Variants in EVL observed in about 807,000 individuals in gnomAD.
The protein encoded by EVL is Enah/Vasp-like, also known as ena/VASP-like protein.
Under a neutral mutation model 59.6 loss-of-function variants are expected in EVL, and 21 were observed. The ratio of observed to expected loss-of-function variants is 0.35; its 90% CI spans 0.25 to 0.51. The LOEUF (loss-of-function observed/expected upper bound fraction) is 0.51. Ranked by LOEUF, EVL falls within the 20% of genes least tolerant of loss-of-function variation. The pLI is 0.97. For missense variants in EVL, 462 were observed against 546.6 expected, an observed-to-expected ratio of 0.85 and a Z score of 1.54; for synonymous variants, 198 against 203.5, an observed-to-expected ratio of 0.97 and a Z score of 0.23.
chr14:100,124,827 G>C (rs967232015), intron 4 of EVL, among the ~76,000 whole-genome samples: 2 of 152,192 alleles, frequency 1.3e-5, no homozygotes, highest in African/African-American at 4.8e-5. Context: ...GCTGTGTGGG[G>C]TCACTGGCCG....
chr14:100,079,257 C>G (rs1802470920), intron 1 of EVL, among the ~76,000 whole-genome samples: 1 of 152,218 alleles, frequency 6.6e-6, no homozygotes, highest in African/African-American at 2.4e-5. Context: ...GTGACAGATG[C>G]TTTTGCTTGG....
At chr14:99,978,385 G>C (rs1398375738) in intron 1 of EVL, among the ~76,000 whole-genome samples, 2 of 151,040 alleles carry the variant, frequency 1.3e-5, no homozygotes, top group East Asian at 1.9e-4. Context: ...CTGGGCGACA[G>C]AGCGAGACTC....
chr14:99,985,633 G>A (rs1345283462), intron 1 of EVL, among the ~76,000 whole-genome samples: 1 of 152,096 alleles, frequency 6.6e-6, no homozygotes, highest in Non-Finnish European at 1.5e-5. Context: ...TGGGTGTGGT[G>A]GTGCATGCCT....
At chr14:100,117,444 G>T (rs770559304) in intron 3 of EVL, among the ~76,000 whole-genome samples, 1 of 152,200 alleles carries the variant, frequency 6.6e-6, no homozygotes, top group Non-Finnish European at 1.5e-5. Context: ...TCTGTGCCCC[G>T]CTTGACCCTT....
Position 100,088,286 on chromosome 14 carries a change from A to G in EVL, c.180+3431A>G, listed in dbSNP as rs181256475. Among the ~76,000 whole-genome samples the G allele has an allele frequency of 2.0e-5, 3 of 152,358 alleles. No homozygotes were observed. The East Asian group carries it at 5.8e-4, about 29-fold the overall frequency. ...CAGGCATATATGGGGTCAAGAAGAT[A>G]GTTCTCCACCATCAAGCATCTTTCT... On this transcript the variant is annotated intron_variant, in intron 2 of 13. Coordinates refer to ENST00000392920, the MANE Select transcript of EVL (RefSeq NM_016337.3).
intron 1 of EVL, among the ~76,000 whole-genome samples, chr14:99,975,676 A>G (rs1215732197): frequency 1.3e-5 from 2 of 152,146 alleles, no homozygotes; most frequent in Non-Finnish European, 2.9e-5. Context: ...TCACGCTTCT[A>G]TGAGAATCTA....
chr14:99,988,038 C>T (rs1004225052), intron 1 of EVL, among the ~76,000 whole-genome samples: 3 of 151,378 alleles, frequency 2.0e-5, no homozygotes, highest in African/African-American at 7.3e-5. Context: ...CCTCAGCCTC[C>T]CAAGTTGCTG....
chr14:100,122,288 G>A (rs1444864198), intron 3 of EVL, among the ~76,000 whole-genome samples: 1 of 152,216 alleles, frequency 6.6e-6, no homozygotes, highest in Admixed American at 6.5e-5. Flanking sequence ...GGCATTTGCA[G>A]TTGGTTTGCA....
chr14:100,118,519 C>G (rs1887493273), intron 3 of EVL, among the ~76,000 whole-genome samples: 1 of 152,196 alleles, frequency 6.6e-6, no homozygotes, highest in Non-Finnish European at 1.5e-5. Context: ...AGAATAGCAG[C>G]AAAGGGGAGT....
exon 1 of EVL, chr14:99,971,988 C>CCCGCCGCCG (rs563451637): frequency 3.4e-4 from 51 of 148,162 alleles, no homozygotes; most frequent in East Asian, 1.2e-3. Flanking sequence ...CGTCCCGCGC[C>CCCGCCGCCG]CCGCCGCCGC....
At position 100,144,127 on chromosome 14, in the gene EVL, CG is replaced by C. The variant is rs1889379902; in HGVS notation, c.*390del. On this transcript the variant is annotated 3_prime_UTR_variant, in exon 14 of 14. Coordinates refer to ENST00000392920, the MANE Select transcript of EVL (RefSeq NM_016337.3). Reference sequence around the variant, plus strand: ...GGCCCAGCGTGGCGCCACCACACACCGCAGAGCTGTCCAGGCACAGCTCCGT... The same window carrying C: ...GGCCCAGCGTGGCGCCACCACACACCCAGAGCTGTCCAGGCACAGCTCCGT... 1 of 292,746 alleles carries C rather than the reference CG, an allele frequency of 3.4e-6. No homozygotes were observed. The highest frequency in any genetic ancestry group is 4.8e-5 in the Admixed American group (1 of 20,764). The allele number at this position is 292,746 out of a possible 1,614,324, so 18.1% of individuals were successfully genotyped here.
chr14:100,080,602 G>A lies in EVL; in HGVS notation c.12-4085G>A, dbSNP rs1051538206. ...CATGACACACGGAGGGAAATTACAGGTGCAGATTATATGGGCCCCACAAAT... is the reference window on the plus strand; with the variant it reads ...CATGACACACGGAGGGAAATTACAGATGCAGATTATATGGGCCCCACAAAT... On this transcript the variant is annotated intron_variant, in intron 1 of 13. Coordinates refer to ENST00000392920, the MANE Select transcript of EVL (RefSeq NM_016337.3). Among the ~76,000 whole-genome samples the A allele has an allele frequency of 2.6e-5, 4 of 152,318 alleles. No individual in the cohort carries two copies. In the South Asian group the frequency reaches 8.3e-4, roughly 32 times the overall value.
chr14:99,983,385 G>A (rs1371235063), intron 1 of EVL, among the ~76,000 whole-genome samples: 1 of 152,212 alleles, frequency 6.6e-6, no homozygotes, highest in Non-Finnish European at 1.5e-5. Flanking sequence ...AGTCATGACA[G>A]AAAGGGAAAC....
At chr14:100,104,641 T>C (rs1047220988) in intron 3 of EVL, among the ~76,000 whole-genome samples, 1 of 152,176 alleles carries the variant, frequency 6.6e-6, no homozygotes. Flanking sequence ...CCCGTTATGA[T>C]GGGGATGAGG....
At chr14:99,991,960 C>CTGTGTGTGTGTGTGTGTGTGTGTGTG (rs58443751) in intron 1 of EVL, among the ~76,000 whole-genome samples, 6 of 144,234 alleles carry the variant, frequency 4.2e-5, no homozygotes, top group African/African-American at 1.6e-4. Context: ...AGGGTCAACT[C>CTGTGTGTGTGTGTGTGTGTGTGTGTG]TGTGTGTGTG....
chr14:100,007,860 T>C (rs1413737545), intron 1 of EVL, among the ~76,000 whole-genome samples: 2 of 152,184 alleles, frequency 1.3e-5, no homozygotes, highest in Non-Finnish European at 2.9e-5. Flanking sequence ...TTCCTGGTTC[T>C]GCCCTCCCAC....
intron 1 of EVL, among the ~76,000 whole-genome samples, chr14:100,043,772 C>G (rs149236741): frequency 3.3e-5 from 5 of 152,030 alleles, no homozygotes; most frequent in Non-Finnish European, 7.4e-5. Context: ...GCCACCATGC[C>G]TGGCTAATTT....
rs1379774654 is a variant in EVL at position 100,047,114 on chromosome 14, C to CTT, written c.6-37572_6-37571insTT. Among the ~76,000 whole-genome samples, 72 of 95,102 alleles carry CTT rather than the reference C, an allele frequency of 7.6e-4. 9 individuals carry two copies. The highest frequency in any genetic ancestry group is 6.7e-3 in the Middle Eastern group (1 of 150). 62.4% of individuals were successfully genotyped at this position (95,102 alleles called of 152,430 possible). On this transcript the variant is annotated intron_variant, in intron 1 of 13. Coordinates refer to the EVL transcript ENST00000402714. ...ATTTTGAGACCTTGGGCAGATCTCT[C>CTT]TCTCTTTTTTTTTTTTTTTTTTTTT... is the stretch of plus-strand genomic sequence containing the variant.
intron 1 of EVL, among the ~76,000 whole-genome samples, chr14:99,973,118 C>G (rs1409616496): frequency 6.6e-6 from 1 of 152,040 alleles, no homozygotes; most frequent in Non-Finnish European, 1.5e-5. Flanking sequence ...TGTTGTGTAT[C>G]TCCTGGTGCA....
Sources: gnomAD v4.1 joint callset for allele counts (sites outside exome capture counted in the v4.1 genomes callset) on GRCh38, gnomAD v4.1.1 for gene constraint, MANE v1.5 for transcripts, NCBI Gene and HGNC (gene_info 2026-07-23, HGNC 2026-07-21) for gene names.